EPB41: variants seen among roughly 807,000 people sequenced by gnomAD.
EPB41 encodes protein 4.1.
In EPB41, 65 loss-of-function variants were observed where a neutral mutation model predicts 108.0. The ratio of observed to expected loss-of-function variants is 0.60; its 90% CI spans 0.49 to 0.74. The LOEUF (loss-of-function observed/expected upper bound fraction) is 0.74, where lower values mean the gene tolerates loss of function less well. EPB41 is among the 30% of genes least tolerant of loss of function. The probability of loss-of-function intolerance (pLI) is 0.00; values close to 1 mark genes in which losing one functional copy is unlikely to be tolerated. For missense variants in EPB41, 875 were observed against 1,037.0 expected (o/e 0.84, Z 2.15); for synonymous variants, 336 against 358.9 (o/e 0.94, Z 0.72).
At chr1:29,027,868 A>G (rs2096741251) in intron 7 of EPB41, among the ~76,000 whole-genome samples, 1 of 152,086 alleles carries the variant, frequency 6.6e-6, no homozygotes, top group Non-Finnish European at 1.5e-5. Context: ...CTTGTTGCCC[A>G]GGCTGGGGTG....
chr1:29,006,714 G>A (rs1430197234), intron 4 of EPB41, among the ~76,000 whole-genome samples: 3 of 151,672 alleles, frequency 2.0e-5, no homozygotes, highest in Non-Finnish European at 4.4e-5. Context: ...CAGCCTGGGC[G>A]ACATAGTGAA....
chr1:28,915,541 A>G (rs1408645312), intron 1 of EPB41, among the ~76,000 whole-genome samples: 1 of 151,998 alleles, frequency 6.6e-6, no homozygotes, highest in Non-Finnish European at 1.5e-5. Flanking sequence ...TCTTGAGAAA[A>G]AGTGATCTCA....
chr1:28,933,616 C>A lies in EPB41; in HGVS notation c.-8+18848C>A, dbSNP rs1170363370. Among the ~76,000 whole-genome samples, 3 of 152,186 alleles carry A rather than the reference C, an allele frequency of 2.0e-5. No homozygotes were observed. The East Asian group carries it at 5.8e-4, about 29-fold the overall frequency. On this transcript the variant is annotated intron_variant, in intron 1 of 20. Coordinates refer to ENST00000343067, the MANE Select transcript of EPB41 (RefSeq NM_001376013.1). ...TGGTTATGTCTTCCTTAGTCTCCTCCAATCTGTGATAGTATCTCCTTGCAT... is the reference window on the plus strand; with the variant it reads ...TGGTTATGTCTTCCTTAGTCTCCTCAAATCTGTGATAGTATCTCCTTGCAT...
At chr1:28,980,552 A>AT (rs949111053) in intron 1 of EPB41, among the ~76,000 whole-genome samples, 20 of 146,244 alleles carry the variant, frequency 1.4e-4, no homozygotes, top group Non-Finnish European at 1.5e-4. Flanking sequence ...TTTAAAAAAA[A>AT]TTTTTTTTTT....
chr1:28,889,768 C>T (rs2089897809), intron 1 of EPB41: 1 of 983,710 alleles, frequency 1.0e-6, no homozygotes, highest in Non-Finnish European at 1.2e-6. Context: ...AATCCTGAGC[C>T]CAGGTGTGGA....
chr1:29,041,031 G>A (rs961300519), intron 11 of EPB41, among the ~76,000 whole-genome samples: 1 of 151,758 alleles, frequency 6.6e-6, no homozygotes, highest in Admixed American at 6.6e-5. Context: ...AGCTACACAG[G>A]AGGCTGAGGC....
chr1:29,064,671 A>G (rs1647041127), intron 15 of EPB41, among the ~76,000 whole-genome samples: 1 of 152,186 alleles, frequency 6.6e-6, no homozygotes, highest in South Asian at 2.1e-4. Context: ...ATGAGAAGTT[A>G]GAGATCTGCT....
chr1:29,098,810 G>T lies in EPB41; in HGVS notation c.2313+875G>T, dbSNP rs556899892. On this transcript the variant is annotated intron_variant, in intron 17 of 20. Coordinates refer to ENST00000343067, the MANE Select transcript of EPB41 (RefSeq NM_001376013.1). ...CCAGGCTGGAGTGCAGTGGCGTGAT[G>T]ATCTCAGCTCACTGCAACCTCTGCC... is the stretch of plus-strand genomic sequence containing the variant. Among the ~76,000 whole-genome samples, 287 of 151,582 alleles carry T rather than the reference G, an allele frequency of 1.9e-3. 1 individual carries two copies. The highest frequency in any genetic ancestry group is 6.6e-3 in the African/African-American group (274 of 41,402).
intron 1 of EPB41, among the ~76,000 whole-genome samples, chr1:28,901,097 T>C (rs1363601321): frequency 6.6e-6 from 1 of 150,648 alleles, no homozygotes; most frequent in African/African-American, 2.4e-5. Flanking sequence ...GCCCGGCTAA[T>C]TTTTTGTATT....
At chr1:29,087,815 C>A (rs1172530025) in intron 16 of EPB41, among the ~76,000 whole-genome samples, 2 of 152,080 alleles carry the variant, frequency 1.3e-5, no homozygotes, top group East Asian at 1.9e-4. Flanking sequence ...GAAAAAAAAT[C>A]TTGTTTTCTT....
intron 7 of EPB41, among the ~76,000 whole-genome samples, chr1:29,027,125 C>T (rs2096729365): frequency 6.6e-6 from 1 of 151,388 alleles, no homozygotes; most frequent in East Asian, 1.9e-4. Context: ...GTTAGAATTA[C>T]ATTTTTTTAA....
At chr1:28,987,319 G>C (rs1174801377) in intron 1 of EPB41, 112 bp from the exon 2 acceptor site, 2 of 873,804 alleles carry the variant, frequency 2.3e-6, no homozygotes, top group Non-Finnish European at 3.7e-6. Context: ...TTTGAATTCT[G>C]TTTGTTGGCA....
In EPB41 at chr1:29,112,403, A is replaced by G. The variant is rs1669480449; in HGVS notation, c.2451A>G (p.Glu817=). 3.1e-6 allele frequency: 5 copies of G among 1,613,818 alleles called. No homozygotes were observed. Among genetic ancestry groups the G allele is most frequent in the Non-Finnish European group, 4.2e-6 (5 of 1,179,974 alleles). Residue 817 remains glutamate, a synonymous_variant, in exon 19 of 21, where the codon GAA becomes GAG. Transcript: ENST00000343067. Reference sequence around the variant, plus strand: ...GTGGGATTTCAGAGACACGTATTGAAAAGAGAATTGTGATCACAGGAGATG... The same window carrying G: ...GTGGGATTTCAGAGACACGTATTGAGAAGAGAATTGTGATCACAGGAGATG... ...VKGGISETRI[E]KRIVITGDAD...
intron 1 of EPB41, among the ~76,000 whole-genome samples, chr1:28,923,667 A>T (rs1361252267): frequency 6.6e-6 from 1 of 152,108 alleles, no homozygotes; most frequent in Non-Finnish European, 1.5e-5. Flanking sequence ...ATTAATGGAC[A>T]CTGGTTAACA....
At chr1:28,893,388 TCTC>T (rs1454175734) in intron 1 of EPB41, 2 of 152,250 alleles carry the variant, frequency 1.3e-5, no homozygotes, top group African/African-American at 4.8e-5. Context: ...GTTCTTAAAG[TCTC>T]CTCCTTGACA....
At chr1:28,966,511 GTTTACA>G (rs1192861215) in intron 1 of EPB41, among the ~76,000 whole-genome samples, 1 of 152,188 alleles carries the variant, frequency 6.6e-6, no homozygotes, top group African/African-American at 2.4e-5. Flanking sequence ...CTCCAATGGA[GTTTACA>G]TTCTAGTGGG....
chr1:29,053,292 G>A lies in EPB41; in HGVS notation c.1825G>A (p.Glu609Lys). The A allele has an allele frequency of 6.2e-7, 1 of 1,614,198 alleles. No individual in the cohort carries two copies. The highest frequency in any genetic ancestry group is 8.5e-7 in the Non-Finnish European group (1 of 1,180,034). ...CGAGCCACCTGAGCAAGCTGAGCCA[G>A]AGCCCACAGAAGCATGGAAGGTATG... ...EDEPPEQAEP[E>K]PTEAWKVEKT... The change falls in exon 12 of 21, where the codon GAG becomes AAG. Residue 609 changes from glutamate (E) to lysine (K), a missense_variant. By Grantham distance (56) the Glu-to-Lys change is moderately conservative. Around this residue, in one of 3 missense-constraint regions of EPB41, gnomAD observed 519 missense variants for 627.3 expected, o/e 0.83. Transcript: ENST00000343067.
chr1:28,985,722 G>A (rs1045031635), intron 1 of EPB41: 1 of 152,190 alleles, frequency 6.6e-6, no homozygotes, highest in Non-Finnish European at 1.5e-5. Context: ...CTTGTCTGGT[G>A]CAGTGGTGCT....
intron 1 of EPB41, among the ~76,000 whole-genome samples, chr1:28,980,595 T>G (rs1053247089): frequency 6.6e-6 from 1 of 151,718 alleles, no homozygotes; most frequent in Admixed American, 6.6e-5. Flanking sequence ...TGTGTACCTG[T>G]AGTTCCAGCT....
Sources: allele counts gnomAD v4.1 joint callset (sites outside exome capture counted in the v4.1 genomes callset), GRCh38; gene constraint gnomAD v4.1.1; regional missense constraint gnomAD v4.1.1; transcripts MANE v1.5; gene names NCBI Gene and HGNC (gene_info 2026-07-23, HGNC 2026-07-21).